The following FAT3 variants were observed in gnomAD, a reference collection of about 807,000 sequenced individuals.
The protein encoded by FAT3 is FAT atypical cadherin 3.
Under a neutral mutation model 310.2 loss-of-function variants are expected in FAT3, and 95 were observed. That is an observed-to-expected ratio of 0.31 (90% CI 0.26 to 0.36). FAT3 has a LOEUF of 0.36. Ranked by LOEUF, FAT3 falls within the 10% of genes least tolerant of loss-of-function variation. The pLI is 1.00. For synonymous variants in FAT3, 2,314 were observed against 2,192.9 expected (o/e 1.06, Z -1.54); for missense variants, 5,408 against 5,715.6 (o/e 0.95, Z 1.74).
At chr11:92,225,269 G>A (rs1863854685) in intron 1 of FAT3, among the ~76,000 whole-genome samples, 95 bp downstream of exon 1, 1 of 152,200 alleles carries the variant, frequency 6.6e-6, no homozygotes, top group Admixed American at 6.5e-5. Context: ...GGTGCAAATG[G>A]GCTGCGAGGT....
At chr11:92,736,364 C>A (rs1314164554) in intron 4 of FAT3, among the ~76,000 whole-genome samples, 1 of 152,096 alleles carries the variant, frequency 6.6e-6, no homozygotes, top group Admixed American at 6.5e-5. Context: ...CTGTTCAGAG[C>A]AAGCCATAAT....
intron 13 of FAT3, among the ~76,000 whole-genome samples, chr11:92,823,292 G>C (rs1270005007): frequency 1.3e-5 from 2 of 152,268 alleles, no homozygotes; most frequent in East Asian, 3.9e-4. Context: ...TGAGTATTTA[G>C]TTGATGAATT....
chr11:92,537,283 G>T (rs895865538), intron 3 of FAT3, among the ~76,000 whole-genome samples: 30 of 152,084 alleles, frequency 2.0e-4, no homozygotes, highest in African/African-American at 6.5e-4. Flanking sequence ...GAGACTGGTG[G>T]GAGAGATGAT....
intron 3 of FAT3, among the ~76,000 whole-genome samples, chr11:92,624,913 C>A (rs1377416061): frequency 6.6e-6 from 1 of 152,180 alleles, no homozygotes; most frequent in African/African-American, 2.4e-5. Context: ...CTATTGTTAT[C>A]GTATGTCTCT....
chr11:92,643,856 G>A (rs1306194344), intron 3 of FAT3, among the ~76,000 whole-genome samples: 1 of 152,220 alleles, frequency 6.6e-6, no homozygotes, highest in African/African-American at 2.4e-5. Context: ...ATATTTCCAA[G>A]GCCAATGTTT....
At chr11:92,290,451 G>A (rs992212952) in intron 1 of FAT3, among the ~76,000 whole-genome samples, 2 of 152,054 alleles carry the variant, frequency 1.3e-5, no homozygotes, top group African/African-American at 4.8e-5. Flanking sequence ...TCTGTTTTCT[G>A]TGGCATTAAC....
chr11:92,673,296 C>A (rs1353979911), intron 3 of FAT3, among the ~76,000 whole-genome samples: 1 of 152,086 alleles, frequency 6.6e-6, no homozygotes, highest in Non-Finnish European at 1.5e-5. Context: ...TATACTTTAA[C>A]TTAAGTATCC....
Position 92,416,587 on chromosome 11 carries a change from G to A in FAT3, c.3292+61183G>A, listed in dbSNP as rs561534536. On this transcript the variant is annotated intron_variant, in intron 2 of 27. Coordinates refer to ENST00000525166, the MANE Select transcript of FAT3 (RefSeq NM_001367949.2). The stretch of plus-strand genomic sequence containing the variant: ...GCGCATCTAAGAAACCACTTGAAGA[G>A]CCACTTGGTTCAGATTATTTCCAAA... Among the ~76,000 whole-genome samples, 46 of 152,290 alleles carry A rather than the reference G, an allele frequency of 3.0e-4. No homozygotes were observed. The South Asian group carries it at 8.9e-3, about 30-fold the overall frequency.
intron 5 of FAT3, 90 bp from the exon 6 acceptor site, chr11:92,764,789 A>T: frequency 8.2e-7 from 1 of 1,214,954 alleles, no homozygotes; most frequent in Non-Finnish European, 1.2e-6. Flanking sequence ...TTGAAGATGG[A>T]CTCTTGGCCC....
At chr11:92,745,700 G>T (rs1945645052) in intron 4 of FAT3, among the ~76,000 whole-genome samples, 1 of 152,062 alleles carries the variant, frequency 6.6e-6, no homozygotes, top group Non-Finnish European at 1.5e-5. Context: ...AAAGTGAATT[G>T]GTCAAGGATC....
chr11:92,782,535 A>G (rs1393468736), intron 7 of FAT3, among the ~76,000 whole-genome samples: 1 of 152,150 alleles, frequency 6.6e-6, no homozygotes, highest in African/African-American at 2.4e-5. Flanking sequence ...TCACACCACT[A>G]TACTCCAAAG....
chr11:92,879,985 A>G (rs1471309615), intron 22 of FAT3, among the ~76,000 whole-genome samples: 2 of 151,912 alleles, frequency 1.3e-5, no homozygotes, highest in South Asian at 4.2e-4. Context: ...AAGAAAGAAC[A>G]CCCTTACTAG....
rs564849936 is a variant in FAT3, at chr11:92,329,644, C to T, written c.-17-22452C>T. ...TTTTTCTCTTTGTGAAGACACACTA[C>T]TGTGAAGGTGTAGTTCCTATCCTTG... On this transcript the variant is annotated intron_variant, in intron 1 of 27. Transcript: ENST00000525166. Among the ~76,000 whole-genome samples, 40 of 15,384 alleles carry T rather than the reference C, an allele frequency of 2.6e-3. No individual in the cohort carries two copies. In the South Asian group the frequency reaches 0.071, roughly 27 times the overall value. The allele number at this position is 15,384 out of a possible 152,430, so 10.1% of individuals were successfully genotyped here.
intron 3 of FAT3, among the ~76,000 whole-genome samples, chr11:92,626,705 G>A (rs774811601): frequency 5.9e-5 from 9 of 152,162 alleles, no homozygotes; most frequent in Non-Finnish European, 1.2e-4. Flanking sequence ...TAATTGTGGA[G>A]AGGTTTAGAT....
Position 92,799,259 on chromosome 11 carries a change from A to G in FAT3, c.6246A>G (p.Pro2082=), listed in dbSNP as rs748624570. The G allele has an allele frequency of 5.0e-6, 8 of 1,613,922 alleles. No homozygotes were observed. In the South Asian group the frequency reaches 5.5e-5, roughly 11 times the overall value. ...TTGAAGACATAAATGACAATTCTCC[A>G]GTCTTTGTGGGCCTCCCATACTATG... ...VNIEDINDNS[P]VFVGLPYYAA... The change falls in exon 10 of 28, where the codon CCA becomes CCG. Residue 2082 remains proline (P), a synonymous_variant. Transcript: ENST00000525166.
At chr11:92,775,002 C>G (rs1050820822) in intron 7 of FAT3, among the ~76,000 whole-genome samples, 1 of 152,128 alleles carries the variant, frequency 6.6e-6, no homozygotes, top group Non-Finnish European at 1.5e-5. Context: ...TATTTTTTAG[C>G]ACCAGAGACC....
chr11:92,230,331 T>C (rs1459793559), intron 1 of FAT3, among the ~76,000 whole-genome samples: 1 of 152,206 alleles, frequency 6.6e-6, no homozygotes, highest in Non-Finnish European at 1.5e-5. Context: ...TCTCGCTCCA[T>C]TGCCCAGGCT....
intron 1 of FAT3, among the ~76,000 whole-genome samples, chr11:92,296,678 T>C (rs1471008115): frequency 6.6e-6 from 1 of 152,090 alleles, no homozygotes; most frequent in African/African-American, 2.4e-5. Context: ...CTCAAAGCAC[T>C]GTGAAAAGGC....
chr11:92,354,217 C>T lies in FAT3; in HGVS notation c.2105C>T (p.Ala702Val), dbSNP rs1311579586. The change falls in exon 2 of 28, where the codon GCA (alanine) becomes GTA (valine). Residue 702 changes from alanine to valine, a missense_variant. Ala to Val is a moderately conservative substitution (Grantham distance 64). This residue lies in a region of FAT3 where 4,588 missense variants were observed against 4,809.8 expected (regional missense o/e 0.95). Coordinates refer to ENST00000525166, the MANE Select transcript of FAT3 (RefSeq NM_001367949.2). Reference protein sequence around the residue: ...LAEKLLIKAKANGKLNLEDGF... With the variant: ...LAEKLLIKAKVNGKLNLEDGF... ...GAGAAACTACTCATTAAGGCAAAAG[C>T]AAATGGGAAACTGAATCTGGAAGAT... The T allele has an allele frequency of 6.2e-7, 1 of 1,613,724 alleles. No homozygotes were observed. Among genetic ancestry groups the T allele is most frequent in the East Asian group, 2.2e-5 (1 of 44,874 alleles).
Sources: allele counts gnomAD v4.1 joint callset (sites outside exome capture counted in the v4.1 genomes callset), GRCh38; gene constraint gnomAD v4.1.1; regional missense constraint gnomAD v4.1.1; transcripts MANE v1.5; gene names NCBI Gene and HGNC (gene_info 2026-07-23, HGNC 2026-07-21).